HYCC2: variants seen among roughly 807,000 people sequenced by gnomAD.
The protein encoded by HYCC2 is hyccin PI4KA lipid kinase complex subunit 2.
the HYCC2 span, among the ~76,000 whole-genome samples, chr2:201,040,486 T>A: frequency 4.7e-5 from 7 of 150,238 alleles, no homozygotes; most frequent in Non-Finnish European, 1.0e-4. Context: ...AATCTCATAA[T>A]TTTTTTTTGT....
the HYCC2 span, among the ~76,000 whole-genome samples, chr2:201,044,095 T>C: frequency 6.6e-6 from 1 of 152,212 alleles, no homozygotes; most frequent in Non-Finnish European, 1.5e-5. Context: ...TTACATCACC[T>C]GGTAAAAACT....
chr2:201,049,712 T>C, the HYCC2 span, among the ~76,000 whole-genome samples: 1 of 151,812 alleles, frequency 6.6e-6, no homozygotes. Context: ...AGTTTCAACA[T>C]ACTTCAAAAA....
chr2:201,046,642 C>T, the HYCC2 span, among the ~76,000 whole-genome samples: 1 of 152,166 alleles, frequency 6.6e-6, no homozygotes, highest in Non-Finnish European at 1.5e-5. Context: ...TCTACAGAGA[C>T]AAATCTCCCA....
the HYCC2 span, among the ~76,000 whole-genome samples, chr2:201,047,824 G>A: frequency 1.0e-4 from 15 of 144,792 alleles, no homozygotes; most frequent in Admixed American, 1.1e-3. Context: ...GAAAATAACT[G>A]CTAATCTAGA....
At chr2:201,009,190 G>T in the HYCC2 span, 1 of 621,600 alleles carries the variant, frequency 1.6e-6, no homozygotes. Flanking sequence ...AGGCAGTTTT[G>T]GATCATTTAT....
chr2:201,050,473 C>T, the HYCC2 span, among the ~76,000 whole-genome samples: 2 of 151,088 alleles, frequency 1.3e-5, no homozygotes, highest in Non-Finnish European at 2.9e-5. Context: ...TTCCAGAGAA[C>T]AGAAAATAAT....
At chr2:201,022,204 T>A in the HYCC2 span, 1 of 617,586 alleles carries the variant, frequency 1.6e-6, no homozygotes, top group Non-Finnish European at 2.6e-6. Context: ...CTGTATGTCA[T>A]ACTACTGTGT....
the HYCC2 span, among the ~76,000 whole-genome samples, chr2:201,067,707 A>T: frequency 6.6e-6 from 1 of 152,246 alleles, no homozygotes; most frequent in Non-Finnish European, 1.5e-5. Flanking sequence ...GTTAATGCAA[A>T]GATTAATGCA....
the HYCC2 span, chr2:201,067,207 C>CATTAA: frequency 4.6e-6 from 1 of 215,860 alleles, no homozygotes; most frequent in African/African-American, 2.3e-5. Context: ...GTTCGGCTGG[C>CATTAA]TAATTCTAAG....
the HYCC2 span, among the ~76,000 whole-genome samples, chr2:201,034,940 T>C: frequency 6.6e-6 from 1 of 152,216 alleles, no homozygotes; most frequent in Admixed American, 6.5e-5. Context: ...CCCACTCTCT[T>C]CTGGCTTGTA....
At chr2:201,071,546 AAGG>A in the HYCC2 span, 2 of 152,518 alleles carry the variant, frequency 1.3e-5, no homozygotes, top group East Asian at 1.9e-4. Context: ...TCCGCGGCCG[AAGG>A]AGAAGAAAAC....
the HYCC2 span, among the ~76,000 whole-genome samples, chr2:201,070,832 A>T: frequency 2.0e-5 from 3 of 152,092 alleles, no homozygotes; most frequent in South Asian, 2.1e-4. Context: ...TTTTCTGAAG[A>T]TCTTTAAAAA....
chr2:201,043,090 ATTC>A, the HYCC2 span, among the ~76,000 whole-genome samples: 1 of 152,204 alleles, frequency 6.6e-6, no homozygotes, highest in Non-Finnish European at 1.5e-5. Flanking sequence ...ACTAGGAAAA[ATTC>A]TTCTGCCTTG....
chr2:200,999,990 G>A, the HYCC2 span, among the ~76,000 whole-genome samples: 33 of 149,452 alleles, frequency 2.2e-4, no homozygotes, highest in Middle Eastern at 3.4e-3. Context: ...CCCGAGAGGC[G>A]GAGGTTATGG....
the HYCC2 span, chr2:200,992,879 C>CT: frequency 1.3e-6 from 2 of 1,492,502 alleles, no homozygotes; most frequent in Non-Finnish European, 1.9e-6. Flanking sequence ...TATATTCCAC[C>CT]TACTTACATG....
At chr2:200,974,226 G>C in the HYCC2 span, 2 of 151,324 alleles carry the variant, frequency 1.3e-5, no homozygotes, top group African/African-American at 4.9e-5. Context: ...AAAAAAAAGA[G>C]CTGATGTGTA....
chr2:201,037,511 C>T, the HYCC2 span, among the ~76,000 whole-genome samples: 1 of 152,126 alleles, frequency 6.6e-6, no homozygotes, highest in African/African-American at 2.4e-5. Flanking sequence ...GCTACAGTAA[C>T]CAAAACAGCA....
At chr2:201,058,177 T>C in the HYCC2 span, among the ~76,000 whole-genome samples, 2 of 152,168 alleles carry the variant, frequency 1.3e-5, no homozygotes, top group Admixed American at 6.5e-5. Flanking sequence ...ATCTTTTCCA[T>C]AGCATACAAC....
At chr2:201,029,368 C>T in the HYCC2 span, among the ~76,000 whole-genome samples, 1 of 152,242 alleles carries the variant, frequency 6.6e-6, no homozygotes, top group Non-Finnish European at 1.5e-5. Context: ...GAAGACAGTG[C>T]AGCGATTCCT....
Sources: allele counts gnomAD v4.1 joint callset (sites outside exome capture counted in the v4.1 genomes callset), GRCh38; gene constraint gnomAD v4.1.1; transcripts MANE v1.5; gene names NCBI Gene and HGNC (gene_info 2026-07-23, HGNC 2026-07-21).